Variants in RASSF4 observed in about 807,000 individuals in gnomAD.
RASSF4 encodes the protein ras association domain-containing protein 4.
A neutral mutation model predicts 41.1 loss-of-function variants in RASSF4; 38 were observed. That is an observed-to-expected ratio of 0.92 (90% confidence interval 0.71 to 1.21). RASSF4 has a LOEUF of 1.21. Ranked by LOEUF, RASSF4 falls within the 50% of genes most tolerant of loss-of-function variation. The probability of loss-of-function intolerance (pLI) is 0.00; values close to 1 mark genes in which losing one functional copy is unlikely to be tolerated. For synonymous variants in RASSF4, 179 were observed against 163.4 expected, an observed-to-expected ratio of 1.10 and a Z score of -0.73; for missense variants, 414 against 419.4, an observed-to-expected ratio of 0.99 and a Z score of 0.11.
At chr10:44,985,320 A>G (rs1841884176) in intron 6 of RASSF4, among the ~76,000 whole-genome samples, 1 of 152,090 alleles carries the variant, frequency 6.6e-6, no homozygotes, top group African/African-American at 2.4e-5. Flanking sequence ...CATCACTCTC[A>G]CCGAATAATT....
intron 3 of RASSF4, among the ~76,000 whole-genome samples, chr10:44,975,077 C>T (rs1386453778): frequency 6.6e-6 from 1 of 152,052 alleles, no homozygotes; most frequent in Non-Finnish European, 1.5e-5. Context: ...TGTGTGCCGG[C>T]CCCGCCCGCC....
chr10:44,989,639 G>A lies in RASSF4; in HGVS notation c.634-31G>A, dbSNP rs769788092. Reference sequence around the variant, plus strand: ...CAGTTCTCTCCCATCTCCAAGCACCGTGATCTGACTTCCTGTGACTGCCTG... The same window carrying A: ...CAGTTCTCTCCCATCTCCAAGCACCATGATCTGACTTCCTGTGACTGCCTG... On this transcript the variant is annotated intron_variant, in intron 7 of 10. Coordinates refer to ENST00000340258, the MANE Select transcript of RASSF4 (RefSeq NM_032023.4). 59 of 1,610,802 alleles carry A rather than the reference G, an allele frequency of 3.7e-5. No individual in the cohort carries two copies. The Middle Eastern group carries it at 2.0e-3, about 54-fold the overall frequency.
rs374128955 is a variant in RASSF4, at chr10:44,962,907, T to C, written c.-39+3041T>C. 2.0e-5 allele frequency among the ~76,000 whole-genome samples: 3 copies of C among 152,216 alleles called. No homozygotes were observed. The East Asian group carries it at 5.8e-4, about 29-fold the overall frequency. On this transcript the variant is annotated intron_variant, in intron 1 of 10. Coordinates refer to ENST00000340258, the MANE Select transcript of RASSF4 (RefSeq NM_032023.4). ...GGCAGAAGCCAGAAGTCTTGCCCAC[T>C]GGGAAGGCTGGTCTGCGATCTACAT...
chr10:44,990,640 G>C (rs913250291), intron 8 of RASSF4: 5 of 209,128 alleles, frequency 2.4e-5, no homozygotes, highest in African/African-American at 1.1e-4. Context: ...AGGGACGGGG[G>C]CACACCTTGA....
At chr10:44,980,925 CCAGTGAGTATCAA>C (rs1841682768) in intron 3 of RASSF4, 1 of 152,104 alleles carries the variant, frequency 6.6e-6, no homozygotes, top group Non-Finnish European at 1.5e-5. Context: ...TTGTAGAGCA[CCAGTGAGTATCAA>C]AAACAGCTCT....
At chr10:44,973,987 C>A (rs1841288864) in intron 3 of RASSF4, among the ~76,000 whole-genome samples, 1 of 145,026 alleles carries the variant, frequency 6.9e-6, no homozygotes, top group Admixed American at 7.0e-5. Flanking sequence ...CAGGAAAATT[C>A]TGTAGCCTTA....
At chr10:44,971,512 C>T (rs761648853) in intron 2 of RASSF4, 32 of 643,804 alleles carry the variant, frequency 5.0e-5, no homozygotes, top group Non-Finnish European at 5.2e-5. Context: ...GCACCCTGGA[C>T]ATCCTGGACC....
In RASSF4 at chr10:44,995,588, A is replaced by T. The variant is rs1372537344; in HGVS notation, c.*2259A>T. 6.6e-6 allele frequency: 1 copy of T among 152,272 alleles called. No individual in the cohort carries two copies. Among genetic ancestry groups the T allele is most frequent in the Non-Finnish European group, 1.5e-5 (1 of 68,046 alleles). 9.4% of individuals were successfully genotyped at this position (152,272 alleles called of 1,614,324 possible). ...ATCTAATTTCTGAACGTTATGGGTC[A>T]GAAAAATCACTAGCAAGTGGCTCAG... On this transcript the variant is annotated 3_prime_UTR_variant, in exon 11 of 11. Transcript: ENST00000340258.
At chr10:44,975,090 G>A (rs1001055039) in intron 3 of RASSF4, among the ~76,000 whole-genome samples, 8 of 152,022 alleles carry the variant, frequency 5.3e-5, no homozygotes, top group South Asian at 2.1e-4. Context: ...CGCCCGCCTG[G>A]GGCGCGGCGC....
chr10:44,969,017 C>T (rs1245422807), intron 1 of RASSF4, among the ~76,000 whole-genome samples: 1 of 148,802 alleles, frequency 6.7e-6, no homozygotes. Flanking sequence ...TGTGTGTGTG[C>T]ATGTGAGCAT....
In RASSF4 at chr10:44,984,907, C is replaced by T. The variant is rs372945412; in HGVS notation, c.468C>T (p.Pro156=). 7.4e-6 allele frequency: 12 copies of T among 1,613,422 alleles called. No homozygotes were observed. Among genetic ancestry groups the T allele is most frequent in the Middle Eastern group, 1.6e-4 (1 of 6,084 alleles). The stretch of plus-strand genomic sequence containing the variant: ...AGAGGAGGCCCAAGTGCCGCGCCCC[C>T]GGTGAGGCCCAGCGCATCCGGCGAC... ...MSQRRPKCRA[P]GEAQRIRRHR... The change falls in exon 6 of 11, where the codon CCC becomes CCT. Residue 156 remains proline, a synonymous_variant. Transcript: ENST00000340258.
intron 6 of RASSF4, among the ~76,000 whole-genome samples, chr10:44,987,494 G>A (rs1388192654): frequency 6.6e-6 from 1 of 152,004 alleles, no homozygotes; most frequent in African/African-American, 2.4e-5. Flanking sequence ...CGAGCTGGGG[G>A]AAGCAGGTCG....
intron 1 of RASSF4, among the ~76,000 whole-genome samples, chr10:44,968,968 G>T (rs1341092824): frequency 2.0e-5 from 3 of 152,012 alleles, no homozygotes; most frequent in Non-Finnish European, 4.4e-5. Context: ...GTGTGTGTGA[G>T]TGTGTGTCTG....
intron 4 of RASSF4, chr10:44,983,814 A>G (rs563532718): frequency 7.3e-5 from 57 of 782,528 alleles, no homozygotes; most frequent in Admixed American, 1.5e-4. Flanking sequence ...GGCCAGGCTC[A>G]CTCTCCGTCC....
intron 4 of RASSF4, chr10:44,982,921 G>T (rs952015735): frequency 1.5e-6 from 1 of 687,818 alleles, no homozygotes; most frequent in South Asian, 1.5e-5. Context: ...CACCTTGCTG[G>T]CAAGAAGGGA....
At chr10:44,967,093 C>T (rs1369831743) in intron 1 of RASSF4, among the ~76,000 whole-genome samples, 1 of 152,204 alleles carries the variant, frequency 6.6e-6, no homozygotes. Flanking sequence ...ATCCCTGATA[C>T]ACCAGTGGCT....
intron 4 of RASSF4, 54 bp from the exon 5 acceptor site, chr10:44,983,968 G>T: frequency 6.4e-7 from 1 of 1,553,372 alleles, no homozygotes; most frequent in Non-Finnish European, 8.7e-7. Flanking sequence ...TCCTTGGCCT[G>T]AGCTCCCTTT....
At chr10:44,984,727 C>A in intron 5 of RASSF4, 86 bp from the exon 6 acceptor site, 1 of 1,486,096 alleles carries the variant, frequency 6.7e-7, no homozygotes, top group Non-Finnish European at 9.3e-7. Context: ...GACCACAGGG[C>A]TCTAGGGTGC....
chr10:44,993,164 C>G (rs1842182189), intron 10 of RASSF4, 105 bp from the exon 11 acceptor site: 2 of 912,742 alleles, frequency 2.2e-6, no homozygotes, highest in African/African-American at 3.3e-5. Context: ...GATGAGGCTG[C>G]TGCAGGGATC....
Sources: gnomAD v4.1 joint callset for allele counts (sites outside exome capture counted in the v4.1 genomes callset) on GRCh38, gnomAD v4.1.1 for gene constraint, MANE v1.5 for transcripts, NCBI Gene and HGNC (gene_info 2026-07-23, HGNC 2026-07-21) for gene names.